TRIO: variants seen among roughly 807,000 people sequenced by gnomAD.
TRIO encodes trio Rho guanine nucleotide exchange factor.
In TRIO, 58 loss-of-function variants were observed where a neutral mutation model predicts 351.9. The ratio of observed to expected loss-of-function variants is 0.16; its 90% CI spans 0.13 to 0.21. The LOEUF is 0.21. TRIO is among the 10% of genes least tolerant of loss of function. The pLI is 1.00. For missense variants in TRIO, 3,201 were observed against 4,027.8 expected, an observed-to-expected ratio of 0.79 and a Z score of 5.56; for synonymous variants, 1,758 against 1,595.7, an observed-to-expected ratio of 1.10 and a Z score of -2.42.
chr5:14,381,846 C>T (rs549073466), intron 21 of TRIO, among the ~76,000 whole-genome samples: 7 of 152,174 alleles, frequency 4.6e-5, no homozygotes, highest in Non-Finnish European at 1.0e-4. Flanking sequence ...ATCGAATTAT[C>T]TTTATGGCAT....
intron 1 of TRIO, among the ~76,000 whole-genome samples, chr5:14,177,816 A>G (rs1478730299): frequency 5.3e-5 from 8 of 152,160 alleles, no homozygotes; most frequent in Admixed American, 2.6e-4. Flanking sequence ...GCTGCTTTGC[A>G]TCTTCATGCT....
At chr5:14,196,568 C>A (rs1319749721) in intron 1 of TRIO, among the ~76,000 whole-genome samples, 4 of 152,114 alleles carry the variant, frequency 2.6e-5, no homozygotes, top group Non-Finnish European at 4.4e-5. Context: ...GGAGCACTGT[C>A]ACTAAATACT....
At position 14,509,988 on chromosome 5, in the gene TRIO, A is replaced by G. The variant is rs1446812766; in HGVS notation, c.*1566A>G. Reference sequence around the variant, plus strand: ...TTTCTTCTTGTAAAATTGTACAGAAACTTTTTAAAAGAAATTGGATTCGAA... The same window carrying G: ...TTTCTTCTTGTAAAATTGTACAGAAGCTTTTTAAAAGAAATTGGATTCGAA... On this transcript the variant is annotated 3_prime_UTR_variant, in exon 57 of 57. Coordinates refer to ENST00000344204, the MANE Select transcript of TRIO (RefSeq NM_007118.4). 6.6e-6 allele frequency: 1 copy of G among 152,102 alleles called. No individual in the cohort carries two copies. Among genetic ancestry groups the G allele is most frequent in the African/African-American group, 2.4e-5 (1 of 41,394 alleles). The allele number at this position is 152,102 out of a possible 1,614,324, so 9.4% of individuals were successfully genotyped here. A position where few individuals can be genotyped will look rare whatever the true frequency, so the allele number is the denominator to read the frequency against.
intron 1 of TRIO, among the ~76,000 whole-genome samples, chr5:14,153,454 T>C (rs1331285807): frequency 6.6e-6 from 1 of 152,244 alleles, no homozygotes. Flanking sequence ...GTAAGTCCCA[T>C]CCTGTTCTCT....
intron 34 of TRIO, among the ~76,000 whole-genome samples, chr5:14,457,613 A>G (rs1753456134): frequency 6.6e-6 from 1 of 152,084 alleles, no homozygotes; most frequent in Admixed American, 6.5e-5. Flanking sequence ...AGGCAAGGCT[A>G]AGTGTCCTGG....
At chr5:14,177,424 G>C in intron 1 of TRIO, among the ~76,000 whole-genome samples, 1 of 152,084 alleles carries the variant, frequency 6.6e-6, no homozygotes, top group Non-Finnish European at 1.5e-5. Context: ...GATAATTCTT[G>C]GTATCTGACT....
chr5:14,393,056 G>GAAAAA (rs550792228), intron 27 of TRIO, among the ~76,000 whole-genome samples: 1 of 96,966 alleles, frequency 1.0e-5, no homozygotes. Context: ...CAAAAAGAAA[G>GAAAAA]AAAAAAAAAA....
intron 33 of TRIO, among the ~76,000 whole-genome samples, chr5:14,409,625 G>C (rs1404661706): frequency 6.6e-6 from 1 of 151,990 alleles, no homozygotes; most frequent in Non-Finnish European, 1.5e-5. Flanking sequence ...ACGAGGTCAG[G>C]AGATCGAGAC....
chr5:14,232,128 A>T (rs1198755376), intron 1 of TRIO, among the ~76,000 whole-genome samples: 3 of 152,118 alleles, frequency 2.0e-5, no homozygotes, highest in Non-Finnish European at 2.9e-5. Context: ...GAGACTGAAG[A>T]TGAGAGACCT....
chr5:14,459,304 G>C (rs776281442), intron 34 of TRIO, among the ~76,000 whole-genome samples: 3 of 152,232 alleles, frequency 2.0e-5, no homozygotes, highest in Admixed American at 2.0e-4. Flanking sequence ...AGCCAGAGAG[G>C]CAGTGCAGCC....
At position 14,366,988 on chromosome 5, in the gene TRIO, G is replaced by C; in HGVS notation, c.2874+9G>C. On this transcript the variant is annotated intron_variant, in intron 16 of 56. Transcript: ENST00000344204. ...TCCAGCATGCCATTGAGGTAAGGGC[G>C]CTGGGCCTGCCTGTGTGTTGGCTCT... is the stretch of plus-strand genomic sequence containing the variant. The C allele has an allele frequency of 1.2e-6, 2 of 1,613,774 alleles. No individual in the cohort carries two copies. The highest frequency in any genetic ancestry group is 1.7e-6 in the Non-Finnish European group (2 of 1,179,938).
At position 14,444,080 on chromosome 5, in the gene TRIO, CTTT is replaced by C. The variant is rs34641629; in HGVS notation, c.5204-16927_5204-16925del. Among the ~76,000 whole-genome samples, 248 of 145,104 alleles carry C rather than the reference CTTT, an allele frequency of 1.7e-3. 4 individuals are homozygous for C. The highest frequency in any genetic ancestry group is 6.0e-3 in the African/African-American group (236 of 39,434). On this transcript the variant is annotated intron_variant, in intron 34 of 56. Coordinates refer to ENST00000344204, the MANE Select transcript of TRIO (RefSeq NM_007118.4). ...TATAATTCTTGAATTCTCTTGAAGT[CTTT>C]TTTTTTTTTTTCTTTCTGTTTGGGT...
At chr5:14,279,793 C>G (rs1477665435) in intron 2 of TRIO, among the ~76,000 whole-genome samples, 1 of 152,210 alleles carries the variant, frequency 6.6e-6, no homozygotes, top group East Asian at 1.9e-4. Context: ...GAGAGACTGG[C>G]AAAGCTGGAC....
chr5:14,436,279 C>T (rs987513174), intron 34 of TRIO, among the ~76,000 whole-genome samples: 1 of 152,262 alleles, frequency 6.6e-6, no homozygotes, highest in South Asian at 2.1e-4. Context: ...TAGGGGAACT[C>T]CTCTTTGTAA....
At chr5:14,364,240 G>T (rs931609156) in intron 14 of TRIO, among the ~76,000 whole-genome samples, 1 of 151,952 alleles carries the variant, frequency 6.6e-6, no homozygotes, top group Non-Finnish European at 1.5e-5. Context: ...TATTTTTTTA[G>T]TTTATGTTTT....
chr5:14,312,095 A>G (rs2152302347), intron 8 of TRIO, among the ~76,000 whole-genome samples: 1 of 152,324 alleles, frequency 6.6e-6, no homozygotes, highest in East Asian at 1.9e-4. Context: ...GGTGAAGAAT[A>G]TTCCTGCTGG....
chr5:14,233,643 T>C (rs1329999057), intron 1 of TRIO, among the ~76,000 whole-genome samples: 1 of 152,106 alleles, frequency 6.6e-6, no homozygotes, highest in Non-Finnish European at 1.5e-5. Context: ...TCTAAAGTGA[T>C]CCTCCTGCCT....
intron 30 of TRIO, chr5:14,399,463 A>C (rs957441581): frequency 4.0e-6 from 1 of 252,054 alleles, no homozygotes; most frequent in African/African-American, 2.2e-5. Context: ...AAACAGCCTT[A>C]CTGGGTGGCT....
chr5:14,301,941 T>C (rs1737935827), intron 7 of TRIO, among the ~76,000 whole-genome samples: 1 of 152,152 alleles, frequency 6.6e-6, no homozygotes, highest in Admixed American at 6.5e-5. Context: ...ATGGCTAGGA[T>C]TATTTCTATC....
Sources: gnomAD v4.1 joint callset for allele counts (sites outside exome capture counted in the v4.1 genomes callset) on GRCh38, gnomAD v4.1.1 for gene constraint, MANE v1.5 for transcripts, NCBI Gene and HGNC (gene_info 2026-07-23, HGNC 2026-07-21) for gene names.